The following ADARB2 variants were observed in gnomAD, a reference collection of about 807,000 sequenced individuals.
ADARB2 encodes inactive double-stranded RNA-specific editase B2.
In ADARB2, 25 loss-of-function variants were observed where a neutral mutation model predicts 62.2. The observed-to-expected ratio is 0.40, with a 90% confidence interval of 0.29 to 0.56. The LOEUF (loss-of-function observed/expected upper bound fraction) is 0.56, where lower values mean the gene tolerates loss of function less well. Ranked by LOEUF, ADARB2 falls within the 20% of genes least tolerant of loss-of-function variation. The pLI, the probability that ADARB2 is intolerant of heterozygous loss-of-function variation, is 0.43. For synonymous variants in ADARB2, 572 were observed against 500.8 expected (o/e 1.14, Z -1.90); for missense variants, 1,071 against 1,077.4 (o/e 0.99, Z 0.08).
intron 5 of ADARB2, chr10:1,240,284 C>G (rs1263934937): frequency 1.7e-5 from 2 of 118,056 alleles, no homozygotes; most frequent in Non-Finnish European, 3.7e-5. Context: ...CTCTGCCTCC[C>G]GGTGTTTACT....
At chr10:1,508,260 C>A (rs1831877595) in intron 1 of ADARB2, among the ~76,000 whole-genome samples, 1 of 152,196 alleles carries the variant, frequency 6.6e-6, no homozygotes, top group South Asian at 2.1e-4. Flanking sequence ...TCTTGCAGAA[C>A]CTCAATGGAC....
intron 6 of ADARB2, among the ~76,000 whole-genome samples, chr10:1,231,092 TC>T (rs1589159181): frequency 6.6e-6 from 1 of 152,136 alleles, no homozygotes; most frequent in East Asian, 1.9e-4. Context: ...ACTAGAACTG[TC>T]CCCTGGGGAG....
chr10:1,506,603 G>A (rs182028584), intron 1 of ADARB2, among the ~76,000 whole-genome samples: 8 of 152,226 alleles, frequency 5.3e-5, no homozygotes, highest in East Asian at 1.9e-4. Flanking sequence ...GCGTCCTGCC[G>A]ACCCACTGTG....
At chr10:1,666,580 G>A (rs922844538) in intron 1 of ADARB2, among the ~76,000 whole-genome samples, 9 of 152,196 alleles carry the variant, frequency 5.9e-5, no homozygotes, top group Admixed American at 2.0e-4. Context: ...GGTATCCAGC[G>A]TCCTCCTGCA....
At chr10:1,309,481 C>A (rs993630971) in intron 3 of ADARB2, among the ~76,000 whole-genome samples, 1 of 152,214 alleles carries the variant, frequency 6.6e-6, no homozygotes, top group African/African-American at 2.4e-5. Context: ...TCTGCAAGAC[C>A]TGTGAGTGGT....
chr10:1,363,283 C>A lies in ADARB2; in HGVS notation c.822G>T (p.Pro274=), dbSNP rs901554424. The A allele has an allele frequency of 2.0e-5, 25 of 1,239,882 alleles. No individual in the cohort carries two copies. The highest frequency in any genetic ancestry group is 2.5e-5 in the Non-Finnish European group (25 of 990,990). 76.8% of individuals were successfully genotyped at this position (1,239,882 alleles called of 1,614,324 possible). The change falls in exon 3 of 10, where the codon CCG becomes CCT. Residue 274 remains proline, a synonymous_variant. Transcript: ENST00000381312. ...GCAGCACCACGGGGTTGCGCTCGCC[C>A]GGGGCCGCGGGGGTGGCGGGGGTCG... The part of the protein sequence containing the change: ...VGPTPATPAA[P]GERNPVVLLN...
chr10:1,543,565 A>G (rs1296041593), intron 1 of ADARB2, among the ~76,000 whole-genome samples: 1 of 152,196 alleles, frequency 6.6e-6, no homozygotes, highest in African/African-American at 2.4e-5. Context: ...GCTGGGAGCT[A>G]TTGGCGTCTC....
chr10:1,447,944 A>T (rs1266201833), intron 1 of ADARB2, among the ~76,000 whole-genome samples: 2 of 152,168 alleles, frequency 1.3e-5, no homozygotes, highest in Non-Finnish European at 2.9e-5. Flanking sequence ...ATTGCATGGT[A>T]TCTGTGTAGC....
intron 1 of ADARB2, among the ~76,000 whole-genome samples, chr10:1,457,051 T>C (rs112620754): frequency 0.04 from 6,044 of 152,220 alleles, 391 homozygotes; most frequent in African/African-American, 0.14. Context: ...TGAACCACTG[T>C]GCTGGCAGAA....
At chr10:1,707,382 T>C (rs1281171099) in intron 1 of ADARB2, among the ~76,000 whole-genome samples, 2 of 152,250 alleles carry the variant, frequency 1.3e-5, no homozygotes, top group African/African-American at 4.8e-5. Flanking sequence ...TGAACGTTTG[T>C]CTGCCCCAGT....
chr10:1,424,068 A>G (rs1006724051), intron 1 of ADARB2, among the ~76,000 whole-genome samples: 8 of 151,926 alleles, frequency 5.3e-5, no homozygotes, highest in Admixed American at 2.0e-4. Context: ...ATGCAGTGGG[A>G]CCACTATGTA....
intron 1 of ADARB2, among the ~76,000 whole-genome samples, chr10:1,479,428 G>T (rs533001737): frequency 9.3e-4 from 142 of 152,308 alleles, no homozygotes; most frequent in African/African-American, 3.2e-3. Flanking sequence ...TGGCTTCAGG[G>T]CCCGGACAGC....
intron 3 of ADARB2, among the ~76,000 whole-genome samples, chr10:1,274,206 C>T (rs1025062039): frequency 2.6e-5 from 4 of 152,250 alleles, no homozygotes; most frequent in African/African-American, 7.2e-5. Context: ...GCTGCACAGG[C>T]GTCCTGGACT....
intron 8 of ADARB2, among the ~76,000 whole-genome samples, chr10:1,196,206 C>CT (rs10665720): frequency 0.05 from 5,989 of 120,854 alleles, 245 homozygotes; most frequent in African/African-American, 0.097. Context: ...CTTCTTTTGC[C>CT]TTTTTTTTTT....
chr10:1,303,737 A>G, intron 3 of ADARB2, among the ~76,000 whole-genome samples: 1 of 152,098 alleles, frequency 6.6e-6, no homozygotes, highest in Non-Finnish European at 1.5e-5. Context: ...CATTCTTAAA[A>G]GAATTTTCAA....
At chr10:1,506,477 G>A (rs1028265418) in intron 1 of ADARB2, among the ~76,000 whole-genome samples, 1 of 152,180 alleles carries the variant, frequency 6.6e-6, no homozygotes, top group Non-Finnish European at 1.5e-5. Context: ...GCAAAACTCT[G>A]CAGCGCTTTT....
intron 1 of ADARB2, among the ~76,000 whole-genome samples, chr10:1,712,409 G>A (rs917653913): frequency 6.6e-6 from 1 of 152,044 alleles, no homozygotes; most frequent in Non-Finnish European, 1.5e-5. Flanking sequence ...GAAGTTATGA[G>A]GTGTATTGCA....
At chr10:1,305,789 C>T (rs1372709069) in intron 3 of ADARB2, among the ~76,000 whole-genome samples, 2 of 152,128 alleles carry the variant, frequency 1.3e-5, no homozygotes, top group East Asian at 1.9e-4. Context: ...TAAACAGAGC[C>T]AAAGACAAAC....
chr10:1,592,265 A>C (rs1833267161), intron 1 of ADARB2, among the ~76,000 whole-genome samples: 1 of 151,534 alleles, frequency 6.6e-6, no homozygotes, highest in Non-Finnish European at 1.5e-5. Flanking sequence ...CCCCTGGCCC[A>C]AGCCACACTC....
Sources: gnomAD v4.1 joint callset for allele counts (sites outside exome capture counted in the v4.1 genomes callset) on GRCh38, gnomAD v4.1.1 for gene constraint, MANE v1.5 for transcripts, NCBI Gene and HGNC (gene_info 2026-07-23, HGNC 2026-07-21) for gene names.